Variants in RORA observed in about 807,000 individuals in gnomAD.
RORA encodes nuclear receptor ROR-alpha.
Under a neutral mutation model 69.5 loss-of-function variants are expected in RORA, and 7 were observed. That is an observed-to-expected ratio of 0.10 (90% CI 0.06 to 0.19). RORA has a LOEUF of 0.19. RORA is among the 10% of genes least tolerant of loss of function. The probability of loss-of-function intolerance (pLI) is 1.00; values close to 1 mark genes in which losing one functional copy is unlikely to be tolerated. For missense variants in RORA, 457 were observed against 663.0 expected (o/e 0.69, Z 3.41); for synonymous variants, 261 against 240.8 (o/e 1.08, Z -0.78).
chr15:61,000,208 G>A (rs1453319657), intron 1 of RORA, among the ~76,000 whole-genome samples: 1 of 152,168 alleles, frequency 6.6e-6, no homozygotes, highest in Non-Finnish European at 1.5e-5. Context: ...TCTTGATGAT[G>A]ATGGCAAGAA....
At chr15:61,177,793 T>C (rs2079644066) in intron 1 of RORA, among the ~76,000 whole-genome samples, 1 of 151,834 alleles carries the variant, frequency 6.6e-6, no homozygotes, top group Admixed American at 6.6e-5. Context: ...AGATCTCGTC[T>C]CTACTAAAAA....
At chr15:61,141,843 C>A (rs1376255090) in intron 1 of RORA, among the ~76,000 whole-genome samples, 1 of 152,196 alleles carries the variant, frequency 6.6e-6, no homozygotes, top group Non-Finnish European at 1.5e-5. Context: ...CAAACTTTCA[C>A]GTGAGCTTGG....
chr15:60,550,170 A>G (rs995343499), intron 2 of RORA, among the ~76,000 whole-genome samples: 5 of 152,212 alleles, frequency 3.3e-5, no homozygotes, highest in Non-Finnish European at 4.4e-5. Context: ...ACACGCCTAT[A>G]ATCCCAGCTA....
chr15:61,207,983 A>G (rs766076196), intron 1 of RORA, among the ~76,000 whole-genome samples: 3 of 152,246 alleles, frequency 2.0e-5, no homozygotes, highest in Non-Finnish European at 4.4e-5. Context: ...TGACCCAGCC[A>G]GCTCAATCTA....
intron 1 of RORA, among the ~76,000 whole-genome samples, chr15:60,860,331 A>G (rs936242671): frequency 2.6e-5 from 4 of 152,220 alleles, no homozygotes; most frequent in Non-Finnish European, 4.4e-5. Context: ...TTTCTCATCA[A>G]TGGAAAATCT....
intron 1 of RORA, among the ~76,000 whole-genome samples, chr15:60,921,395 C>G (rs1374200291): frequency 6.6e-6 from 1 of 152,154 alleles, no homozygotes; most frequent in Admixed American, 6.5e-5. Context: ...ATTCTATGCA[C>G]AGAATGTTAG....
chr15:61,229,234 A>G lies in RORA; in HGVS notation c.-16T>C. 1 of 1,274,562 alleles carries G rather than the reference A, an allele frequency of 7.8e-7. No individual in the cohort carries two copies. Among genetic ancestry groups the G allele is most frequent in the Admixed American group, 2.7e-5 (1 of 37,336 alleles). 79.0% of individuals were successfully genotyped at this position (1,274,562 alleles called of 1,614,324 possible). A position where few individuals can be genotyped will look rare whatever the true frequency, so the allele number is the denominator to read the frequency against. On this transcript the variant is annotated 5_prime_UTR_variant, in exon 1 of 11. Coordinates refer to ENST00000335670, the MANE Select transcript of RORA (RefSeq NM_134261.3). ...CTGACTCCATGTTTTTTCCCAATGTAGAGATCGCTGGAGATGGCGAGCTCC... is the reference window on the plus strand; with the variant it reads ...CTGACTCCATGTTTTTTCCCAATGTGGAGATCGCTGGAGATGGCGAGCTCC...
chr15:60,902,631 G>A (rs115354651), intron 1 of RORA, among the ~76,000 whole-genome samples: 5 of 152,180 alleles, frequency 3.3e-5, no homozygotes, highest in Admixed American at 6.5e-5. Flanking sequence ...AGAAGAGAGT[G>A]GTAAGGTGAG....
At chr15:60,741,350 G>A (rs529099794) in intron 1 of RORA, among the ~76,000 whole-genome samples, 58 of 152,202 alleles carry the variant, frequency 3.8e-4, no homozygotes, top group Non-Finnish European at 7.1e-4. Context: ...AAAGGAGAAA[G>A]ACTGTTTACT....
At chr15:60,554,780 AAAG>A (rs1023609173) in intron 2 of RORA, among the ~76,000 whole-genome samples, 8 of 152,144 alleles carry the variant, frequency 5.3e-5, no homozygotes, top group Non-Finnish European at 1.0e-4. Context: ...CCTGTTTGGA[AAAG>A]AAGGACTGCC....
intron 1 of RORA, among the ~76,000 whole-genome samples, chr15:61,140,463 G>A (rs749152801): frequency 2.0e-5 from 3 of 152,066 alleles, no homozygotes; most frequent in South Asian, 4.1e-4. Context: ...GTTGCCACCC[G>A]GATGTGACTT....
intron 1 of RORA, among the ~76,000 whole-genome samples, chr15:61,175,810 C>T (rs990817698): frequency 1.1e-4 from 16 of 152,284 alleles, no homozygotes; most frequent in Admixed American, 9.8e-4. Context: ...AGCTAAGTCT[C>T]AGACCCATAT....
intron 1 of RORA, among the ~76,000 whole-genome samples, chr15:61,100,392 T>C (rs2078862101): frequency 6.6e-6 from 1 of 152,208 alleles, no homozygotes; most frequent in Non-Finnish European, 1.5e-5. Context: ...AGTACGAGGA[T>C]TACAGGCATG....
At chr15:61,191,896 T>A (rs909863143) in intron 1 of RORA, among the ~76,000 whole-genome samples, 4 of 152,256 alleles carry the variant, frequency 2.6e-5, no homozygotes, top group Non-Finnish European at 5.9e-5. Context: ...GGTCTGAATG[T>A]CAAATACTAT....
At chr15:60,565,801 C>T (rs1302067313) in intron 2 of RORA, among the ~76,000 whole-genome samples, 1 of 152,230 alleles carries the variant, frequency 6.6e-6, no homozygotes, top group South Asian at 2.1e-4. Flanking sequence ...GTCAACACAT[C>T]CTCTCAAAGA....
intron 1 of RORA, among the ~76,000 whole-genome samples, chr15:60,860,638 A>G (rs1311514807): frequency 6.6e-6 from 1 of 152,226 alleles, no homozygotes; most frequent in Non-Finnish European, 1.5e-5. Context: ...TGAAACAAAA[A>G]TCCTGAGCCT....
Position 60,821,051 on chromosome 15 carries a change from C to A in RORA, c.167-142365G>T, listed in dbSNP as rs116015529. ...GTGGCTGTCCCACTGCCAGAGGATA[C>A]CTCACCTATGCCAGGTGTCACCAAT... On this transcript the variant is annotated intron_variant, in intron 1 of 10. Coordinates refer to ENST00000335670, the MANE Select transcript of RORA (RefSeq NM_134261.3). Among the ~76,000 whole-genome samples the A allele has an allele frequency of 3.6e-3, 547 of 150,640 alleles. 3 individuals carry two copies. Among genetic ancestry groups the A allele is most frequent in the African/African-American group, 0.013 (513 of 40,838 alleles).
chr15:60,503,784 G>A, intron 6 of RORA, 117 bp from the exon 7 acceptor site: 1 of 1,181,904 alleles, frequency 8.5e-7, no homozygotes, highest in Admixed American at 2.4e-5. Flanking sequence ...CACGAAGAGT[G>A]GCAAAGTGGG....
At chr15:61,218,071 A>G (rs2080057137) in intron 1 of RORA, among the ~76,000 whole-genome samples, 1 of 152,168 alleles carries the variant, frequency 6.6e-6, no homozygotes, top group Non-Finnish European at 1.5e-5. Context: ...TGGCTCATAA[A>G]TAGATCATGA....
Sources: allele counts gnomAD v4.1 joint callset (sites outside exome capture counted in the v4.1 genomes callset), GRCh38; gene constraint gnomAD v4.1.1; transcripts MANE v1.5; gene names NCBI Gene and HGNC (gene_info 2026-07-23, HGNC 2026-07-21).